The following PKD1 variants were observed in gnomAD, a reference collection of about 807,000 sequenced individuals.
PKD1 encodes polycystin 1, transient receptor potential channel interacting, also known as polycystin-1.
Under a neutral mutation model 361.7 loss-of-function variants are expected in PKD1, and 81 were observed. The observed-to-expected ratio is 0.22, with a 90% CI of 0.19 to 0.27. The LOEUF is 0.27. PKD1 is among the 10% of genes least tolerant of loss of function. The pLI, the probability that PKD1 is intolerant of heterozygous loss-of-function variation, is 1.00. For synonymous variants in PKD1, 3,615 were observed against 2,818.3 expected (o/e 1.28, Z -8.95); for missense variants, 6,399 against 6,118.3 (o/e 1.05, Z -1.53).
At position 2,102,584 on chromosome 16, in the gene PKD1, G is replaced by A. The variant is rs1279596250; in HGVS notation, c.8998C>T (p.Arg3000Cys). Reference sequence around the variant, plus strand: ...ACGGACACCTGCAGCGCCGACCAGCGGAAGTGGCTGGAGAGGTTCAGATGG... The same window carrying A: ...ACGGACACCTGCAGCGCCGACCAGCAGAAGTGGCTGGAGAGGTTCAGATGG... ...SYHLNLSSHF[R>C]WSALQVSVGL... Residue 3000 changes from arginine to cysteine, a missense_variant, in exon 25 of 46, where the codon CGC becomes TGC. Coordinates refer to ENST00000262304, the MANE Select transcript of PKD1 (RefSeq NM_001009944.3). 38 of 1,611,034 alleles carry A rather than the reference G, an allele frequency of 2.4e-5. No homozygotes were observed. The highest frequency in any genetic ancestry group is 8.9e-5 in the East Asian group (4 of 44,894).
rs1444625712 is a variant in PKD1 at position 2,109,133 on chromosome 16, T to C, written c.6034A>G (p.Lys2012Glu). The C allele has an allele frequency of 1.9e-6, 3 of 1,602,504 alleles. No homozygotes were observed. The highest frequency in any genetic ancestry group is 2.6e-6 in the Non-Finnish European group (3 of 1,174,284). The change falls in exon 15 of 46, where the codon AAG becomes GAG. Residue 2012 changes from lysine to glutamate, a missense_variant. By Grantham distance (56) the Lys-to-Glu change is moderately conservative. Coordinates refer to ENST00000262304, the MANE Select transcript of PKD1 (RefSeq NM_001009944.3). ...ATGACCAGCGAGTCGCCCTGGACCT[T>C]CTGCAGCGAGAAGTACCAGGCGTAG... The part of the protein sequence containing the change: ...VAYAWYFSLQ[K>E]VQGDSLVILS...
At chr16:2,121,163 C>CA (rs2092714130) in intron 1 of PKD1, among the ~76,000 whole-genome samples, 2 of 151,994 alleles carry the variant, frequency 1.3e-5, no homozygotes, top group East Asian at 3.9e-4. Flanking sequence ...GTCAGGAGTT[C>CA]AAGACCAGAC....
intron 30 of PKD1, chr16:2,099,373 T>C: frequency 2.0e-6 from 1 of 502,904 alleles, no homozygotes; most frequent in Non-Finnish European, 3.7e-6. Flanking sequence ...CGTGCTTGCT[T>C]CTTCTGAGTT....
intron 23 of PKD1, 99 bp downstream of exon 23, chr16:2,103,167 G>C (rs1478300671): frequency 7.1e-7 from 1 of 1,404,912 alleles, no homozygotes; most frequent in Non-Finnish European, 9.8e-7. Context: ...GAAACAGAAA[G>C]CAAATTTCAC....
intron 30 of PKD1, chr16:2,098,829 AT>A (rs4012907): frequency 0.055 from 5,939 of 108,038 alleles, 113 homozygotes; most frequent in African/African-American, 0.18. Context: ...TCTTTGTGGG[AT>A]TTTTTTTTTT....
intron 1 of PKD1, among the ~76,000 whole-genome samples, chr16:2,134,569 C>G (rs2092927721): frequency 1.3e-5 from 2 of 151,186 alleles, no homozygotes; most frequent in South Asian, 4.2e-4. Flanking sequence ...AACCCTGGGT[C>G]CTGGGCACCT....
rs1159543723 is a variant in PKD1, at chr16:2,119,175, T to C, written c.298A>G (p.Asn100Asp). Reference protein sequence around the residue: ...LSALAELDISNNKISTLEEGI... With the variant: ...LSALAELDISDNKISTLEEGI... ...TCTTCTAACGTAGAAATCTTGTTGT[T>C]GCTTATATCCCTGGAAGAGACGGGG... The change falls in exon 3 of 46, where the codon AAC becomes GAC. Residue 100 changes from asparagine to aspartate, a missense_variant. Physicochemically the swap from Asn to Asp is conservative, Grantham distance 23 (BLOSUM62 1). Transcript: ENST00000262304. 1.3e-6 allele frequency: 2 copies of C among 1,535,782 alleles called. No homozygotes were observed.
At chr16:2,120,885 C>T (rs2092709903) in intron 1 of PKD1, among the ~76,000 whole-genome samples, 1 of 151,940 alleles carries the variant, frequency 6.6e-6, no homozygotes, top group South Asian at 2.1e-4. Context: ...GGCATGGCGG[C>T]GGGAGCCTGT....
At position 2,091,178 on chromosome 16, in the gene PKD1, T is replaced by TG. The variant is rs748041181; in HGVS notation, c.11713-5dup. On this transcript the variant is annotated splice_polypyrimidine_tract_variant and splice_region_variant and intron_variant, in intron 42 of 45. Coordinates refer to ENST00000262304, the MANE Select transcript of PKD1 (RefSeq NM_001009944.3). Reference sequence around the variant, plus strand: ...CGGCGAACAGCAGCAGGCACACCTGTGGGGGGCGCGGTCAGGAGGGCGGGA... The same window carrying TG: ...CGGCGAACAGCAGCAGGCACACCTGTGGGGGGGCGCGGTCAGGAGGGCGGGA... 21 of 1,266,140 alleles carry TG rather than the reference T, an allele frequency of 1.7e-5. No homozygotes were observed. The highest frequency in any genetic ancestry group is 1.1e-4 in the Admixed American group (3 of 26,570). 78.4% of individuals were successfully genotyped at this position (1,266,140 alleles called of 1,614,324 possible). A position where few individuals can be genotyped will look rare whatever the true frequency, so the allele number is the denominator to read the frequency against.
rs763344107 is a variant in PKD1, at chr16:2,110,325, C to T, written c.4842G>A (p.Glu1614=). The change falls in exon 15 of 46, where the codon GAG becomes GAA. Residue 1614 remains glutamate, a synonymous_variant. Coordinates refer to ENST00000262304, the MANE Select transcript of PKD1 (RefSeq NM_001009944.3). ...VGTFNIIVTA[E]NEVGSAQDSI... is the part of the protein sequence containing the mutation. ...TGTCCTGGGCGGAGCCCACCTCGTTCTCAGCCGTGACGATGATATTGAAGG... is the reference window on the plus strand; with the variant it reads ...TGTCCTGGGCGGAGCCCACCTCGTTTTCAGCCGTGACGATGATATTGAAGG... The T allele has an allele frequency of 1.7e-5, 27 of 1,612,652 alleles. No individual in the cohort carries two copies. Among genetic ancestry groups the T allele is most frequent in the Non-Finnish European group, 2.3e-5 (27 of 1,179,848 alleles).
intron 1 of PKD1, among the ~76,000 whole-genome samples, chr16:2,122,994 GGCT>G (rs1169742287): frequency 6.6e-6 from 1 of 152,228 alleles, no homozygotes; most frequent in Non-Finnish European, 1.5e-5. Flanking sequence ...CATCAAGAGT[GGCT>G]GCTGCTGGGA....
Position 2,116,946 on chromosome 16 carries a change from C to G in PKD1, c.1493G>C (p.Gly498Ala). 6.6e-7 allele frequency: 1 copy of G among 1,513,942 alleles called. No individual in the cohort carries two copies. The highest frequency in any genetic ancestry group is 8.9e-7 in the Non-Finnish European group (1 of 1,123,312). 93.8% of individuals were successfully genotyped at this position (1,513,942 alleles called of 1,614,324 possible). The change falls in exon 7 of 46, where the codon GGG becomes GCG. Residue 498 changes from glycine to alanine, a missense_variant. Gly to Ala is a moderately conservative substitution (Grantham distance 60). Coordinates refer to ENST00000262304, the MANE Select transcript of PKD1 (RefSeq NM_001009944.3). ...SLESCQNWLP[G>A]EPHPATAEHC... ...CTCGGCTGTGGCTGGGTGTGGCTCCCCGGGCAGCCAGTTCTGGCAGCTCTC... is the reference window on the plus strand; with the variant it reads ...CTCGGCTGTGGCTGGGTGTGGCTCCGCGGGCAGCCAGTTCTGGCAGCTCTC...
chr16:2,089,861 G>T lies in PKD1; in HGVS notation c.12778C>A (p.Arg4260Ser), dbSNP rs755897784. 1.9e-6 allele frequency: 3 copies of T among 1,609,172 alleles called. No individual in the cohort carries two copies. The highest frequency in any genetic ancestry group is 3.4e-5 in the Admixed American group (2 of 59,588). Residue 4260 changes from arginine to serine, a missense_variant, in exon 46 of 46, where the codon CGT (arginine) becomes AGT (serine). By Grantham distance (110) the Arg-to-Ser change is moderately radical (BLOSUM62 -1). Transcript: ENST00000262304. ...GGCCGCAGGCCCGGGGATGGGCCAC[G>T]GGAAGATCCGGCGGGCGCCCGGCTG... ...RSSRAPAGSS[R>S]GPSPGLRPAL... is the part of the protein sequence containing the mutation.
chr16:2,102,147 C>A lies in PKD1; in HGVS notation c.9311G>T (p.Ser3104Ile). 1 of 1,568,080 alleles carries A rather than the reference C, an allele frequency of 6.4e-7. No individual in the cohort carries two copies. Residue 3104 changes from serine (S) to isoleucine (I), a missense_variant, in exon 26 of 46, where the codon AGC becomes ATC. Coordinates refer to ENST00000262304, the MANE Select transcript of PKD1 (RefSeq NM_001009944.3). ...ACAGAAAGGGATGGCGCGGCCCCGG[C>A]TGGCATCCAACTGGTCCAGCTTGTG... ...ILHKLDQLDA[S>I]RGRAIPFCGQ...
chr16:2,102,792 C>A, intron 24 of PKD1, 22 bp downstream of exon 24: 1 of 1,609,836 alleles, frequency 6.2e-7, no homozygotes, highest in Non-Finnish European at 8.5e-7. Context: ...CCTGCCCTGC[C>A]AGGCTGGCCC....
chr16:2,132,776 A>T (rs1382814430), intron 1 of PKD1, among the ~76,000 whole-genome samples: 1 of 150,662 alleles, frequency 6.6e-6, no homozygotes, highest in Non-Finnish European at 1.5e-5. Flanking sequence ...GGGTGGCTGG[A>T]ATTTGGTTCA....
At position 2,090,268 on chromosome 16, in the gene PKD1, C is replaced by CA; in HGVS notation, c.12444+16dup. On this transcript the variant is annotated intron_variant, in intron 45 of 45. Coordinates refer to ENST00000262304, the MANE Select transcript of PKD1 (RefSeq NM_001009944.3). ...GCCCAGGGCGTGTCCCTCTCCCCCC[C>CA]ACTGGGCCGTACCCACCTCCTTGAC... 1 of 1,608,752 alleles carries CA rather than the reference C, an allele frequency of 6.2e-7. No individual in the cohort carries two copies.
chr16:2,099,729 G>T lies in PKD1; in HGVS notation c.9965C>A (p.Thr3322Lys), dbSNP rs1350441991. 6 of 1,570,166 alleles carry T rather than the reference G, an allele frequency of 3.8e-6. No homozygotes were observed. Among genetic ancestry groups the T allele is most frequent in the Non-Finnish European group, 4.3e-6 (5 of 1,159,360 alleles). Residue 3322 changes from threonine (T) to lysine (K), a missense_variant, in exon 30 of 46, where the codon ACA becomes AAA. Coordinates refer to ENST00000262304, the MANE Select transcript of PKD1 (RefSeq NM_001009944.3). ...GCTGGACACCAGGCCAACAGCGACT[G>T]TGTCGACGCTCAGCGGGCTCAGCCT... ...VSRLSPLSVD[T>K]VAVGLVSSVV...
At position 2,109,466 on chromosome 16, in the gene PKD1, G is replaced by A; in HGVS notation, c.5701C>T (p.Pro1901Ser). The A allele has an allele frequency of 3.1e-6, 5 of 1,608,358 alleles. No individual in the cohort carries two copies. The highest frequency in any genetic ancestry group is 4.2e-6 in the Non-Finnish European group (5 of 1,179,422). ...ATCTGAAAATGGACCAGCTGCCCGG[G>A]CGCCACCACCTTGCTGCTGGCCCAC... Reference protein sequence around the residue: ...VLWASSKVVAPGQLVHFQILL... With the variant: ...VLWASSKVVASGQLVHFQILL... Residue 1901 changes from proline (P) to serine (S), a missense_variant, in exon 15 of 46, where the codon CCC (proline) becomes TCC (serine). Physicochemically the swap from Pro to Ser is moderately conservative, Grantham distance 74. Coordinates refer to ENST00000262304, the MANE Select transcript of PKD1 (RefSeq NM_001009944.3).
Sources: allele counts gnomAD v4.1 joint callset (sites outside exome capture counted in the v4.1 genomes callset), GRCh38; gene constraint gnomAD v4.1.1; transcripts MANE v1.5; gene names NCBI Gene and HGNC (gene_info 2026-07-23, HGNC 2026-07-21).